The following SLC25A21 variants were observed in gnomAD, a reference collection of about 807,000 sequenced individuals.
The protein encoded by SLC25A21 is mitochondrial 2-oxodicarboxylate carrier.
SLC25A21 carries 47 observed loss-of-function variants against 43.8 expected under a neutral mutation model. The ratio of observed to expected loss-of-function variants is 1.07; its 90% CI spans 0.85 to 1.37. The LOEUF is 1.37. Among genes scored for constraint, SLC25A21 ranks in the 40% most tolerant of loss-of-function variants. The pLI, the probability that SLC25A21 is intolerant of heterozygous loss-of-function variation, is 0.00. For missense variants in SLC25A21, 352 were observed against 350.2 expected (o/e 1.00, Z -0.04); for synonymous variants, 131 against 121.3 (o/e 1.08, Z -0.52).
At chr14:37,106,203 G>A (rs1171854924) in intron 1 of SLC25A21, among the ~76,000 whole-genome samples, 1 of 152,058 alleles carries the variant, frequency 6.6e-6, no homozygotes, top group Non-Finnish European at 1.5e-5. Flanking sequence ...TAGGGAACAA[G>A]GGAAGATAAC....
intron 2 of SLC25A21, among the ~76,000 whole-genome samples, chr14:36,835,695 A>C (rs1031424007): frequency 2.0e-5 from 3 of 152,254 alleles, no homozygotes; most frequent in African/African-American, 7.2e-5. Context: ...TTGTGAAAAT[A>C]TAACATGTTC....
At position 36,680,005 on chromosome 14, in the gene SLC25A21, T is replaced by TATCATC; in HGVS notation, c.*652_*653insGATGAT. ...ACAATGTTTTAAAATACCTATTTAT[T>TATCATC]ATCTTACAGCAATATGAGATATAAA... On this transcript the variant is annotated 3_prime_UTR_variant, in exon 10 of 10. Coordinates refer to ENST00000331299, the MANE Select transcript of SLC25A21 (RefSeq NM_030631.4). 1.2e-6 allele frequency: 1 copy of TATCATC among 845,528 alleles called. No individual in the cohort carries two copies. The highest frequency in any genetic ancestry group is 1.4e-6 in the Non-Finnish European group (1 of 704,034). 52.4% of individuals were successfully genotyped at this position (845,528 alleles called of 1,614,324 possible). A position where few individuals can be genotyped will look rare whatever the true frequency, so the allele number is the denominator to read the frequency against.
intron 1 of SLC25A21, among the ~76,000 whole-genome samples, chr14:37,070,083 C>A (rs1962140905): frequency 6.6e-6 from 1 of 152,110 alleles, no homozygotes; most frequent in African/African-American, 2.4e-5. Context: ...CCTTTTGGAA[C>A]CTGGGTAATT....
chr14:37,088,759 C>A (rs1962529609), intron 1 of SLC25A21, among the ~76,000 whole-genome samples: 1 of 152,148 alleles, frequency 6.6e-6, no homozygotes, highest in African/African-American at 2.4e-5. Flanking sequence ...GGATCATTTC[C>A]TTCTGAGAAA....
At chr14:36,748,189 C>G (rs1885571138) in intron 3 of SLC25A21, among the ~76,000 whole-genome samples, 1 of 152,308 alleles carries the variant, frequency 6.6e-6, no homozygotes, top group South Asian at 2.1e-4. Flanking sequence ...GAGTCACTAT[C>G]AAGTCCACTG....
At chr14:37,022,412 CA>C (rs1225572751) in intron 1 of SLC25A21, among the ~76,000 whole-genome samples, 2 of 151,890 alleles carry the variant, frequency 1.3e-5, no homozygotes, top group African/African-American at 4.8e-5. Flanking sequence ...ACAGAGACAG[CA>C]ACTCTGTACC....
rs1164023767 is a variant in SLC25A21 at position 36,940,760 on chromosome 14, T to C, written c.71-65756A>G. Among the ~76,000 whole-genome samples the C allele has an allele frequency of 5.3e-5, 8 of 152,222 alleles. No individual in the cohort carries two copies. The South Asian group carries it at 8.3e-4, about 16-fold the overall frequency. On this transcript the variant is annotated intron_variant, in intron 1 of 9. Transcript: ENST00000331299. ...GACTTTCAGATGACCATCTTTGAAG[T>C]TGGATAGAACTCTGACCATATTACG...
intron 1 of SLC25A21, among the ~76,000 whole-genome samples, chr14:37,095,513 A>C (rs1175928121): frequency 6.6e-6 from 1 of 152,130 alleles, no homozygotes; most frequent in Non-Finnish European, 1.5e-5. Flanking sequence ...GCAAGACTCC[A>C]TCTCGACAAA....
At chr14:36,716,471 A>G (rs2139197353) in intron 6 of SLC25A21, among the ~76,000 whole-genome samples, 1 of 152,338 alleles carries the variant, frequency 6.6e-6, no homozygotes, top group South Asian at 2.1e-4. Context: ...CTGCTTTTCT[A>G]TAGTAACCAT....
At chr14:37,147,671 T>C (rs1963690118) in intron 1 of SLC25A21, among the ~76,000 whole-genome samples, 1 of 151,660 alleles carries the variant, frequency 6.6e-6, no homozygotes, top group African/African-American at 2.4e-5. Context: ...AGAAAATTTT[T>C]GTGGCTTGCC....
At chr14:37,012,543 TTTAA>T (rs1440112944) in intron 1 of SLC25A21, among the ~76,000 whole-genome samples, 2 of 152,062 alleles carry the variant, frequency 1.3e-5, no homozygotes, top group Admixed American at 1.3e-4. Flanking sequence ...TCACAGAAAA[TTTAA>T]CCTCAGTTTC....
chr14:36,951,525 GC>G (rs1172084689), intron 1 of SLC25A21, among the ~76,000 whole-genome samples: 1 of 151,968 alleles, frequency 6.6e-6, no homozygotes, highest in Admixed American at 6.6e-5. Flanking sequence ...AACAAATAGG[GC>G]CTCTCTTATC....
At chr14:36,850,230 T>C (rs1432649760) in intron 2 of SLC25A21, among the ~76,000 whole-genome samples, 1 of 152,214 alleles carries the variant, frequency 6.6e-6, no homozygotes, top group Non-Finnish European at 1.5e-5. Context: ...TATCAATTCA[T>C]ATTTGCAAAG....
chr14:36,754,112 T>A (rs1216111139), intron 3 of SLC25A21, among the ~76,000 whole-genome samples: 1 of 152,154 alleles, frequency 6.6e-6, no homozygotes, highest in Non-Finnish European at 1.5e-5. Flanking sequence ...AGATATTTGG[T>A]CAAACGTTAT....
intron 1 of SLC25A21, among the ~76,000 whole-genome samples, chr14:36,897,360 T>C (rs2138592169): frequency 6.6e-6 from 1 of 152,344 alleles, no homozygotes; most frequent in East Asian, 1.9e-4. Context: ...ATTCGTCATG[T>C]TCTTGTGCCT....
Position 37,095,604 on chromosome 14 carries a change from G to T in SLC25A21, c.70+76677C>A, listed in dbSNP as rs1362600379. Reference sequence around the variant, plus strand: ...AGGCATGAATAAAAAATATATAAATGCCTGGTATGGTGGCTCACACTTATT... The same window carrying T: ...AGGCATGAATAAAAAATATATAAATTCCTGGTATGGTGGCTCACACTTATT... On this transcript the variant is annotated intron_variant, in intron 1 of 9. Transcript: ENST00000331299. Among the ~76,000 whole-genome samples the T allele has an allele frequency of 1.3e-5, 2 of 152,098 alleles. 1 individual carries two copies. Among genetic ancestry groups the T allele is most frequent in the South Asian group, 4.2e-4 (2 of 4,814 alleles).
intron 1 of SLC25A21, among the ~76,000 whole-genome samples, chr14:36,890,510 G>A (rs1422608994): frequency 1.3e-5 from 2 of 152,086 alleles, no homozygotes; most frequent in Non-Finnish European, 2.9e-5. Flanking sequence ...ACTGGAGGGA[G>A]AGAGGCAGAA....
intron 3 of SLC25A21, among the ~76,000 whole-genome samples, chr14:36,741,874 C>T (rs1450175408): frequency 3.9e-5 from 6 of 152,160 alleles, no homozygotes; most frequent in African/African-American, 7.2e-5. Flanking sequence ...CGTCTGTATA[C>T]CTAACAGAGT....
chr14:36,875,004 C>A lies in SLC25A21; in HGVS notation c.71G>T (p.Gly24Val), dbSNP rs768382398. The A allele has an allele frequency of 6.4e-6, 10 of 1,557,852 alleles. No individual in the cohort carries two copies. The highest frequency in any genetic ancestry group is 6.9e-6 in the Non-Finnish European group (8 of 1,155,688). Residue 24 changes from glycine to valine, a missense_variant and splice_region_variant, in exon 2 of 10, where the codon GGT becomes GTT. By Grantham distance (109) the Gly-to-Val change is moderately radical. Transcript: ENST00000331299. ...SRQIVAGGSA[G>V]LVEICLMHPL... The stretch of plus-strand genomic sequence containing the variant: ...GTGCATCAGGCAAATTTCTACAAGA[C>A]CTGAAAGATGATAAAGAAAATCCAA...
Sources: allele counts gnomAD v4.1 joint callset (sites outside exome capture counted in the v4.1 genomes callset), GRCh38; gene constraint gnomAD v4.1.1; transcripts MANE v1.5; gene names NCBI Gene and HGNC (gene_info 2026-07-23, HGNC 2026-07-21).